The following GNAS variants were observed in gnomAD, a reference collection of about 807,000 sequenced individuals.
GNAS encodes the protein protein ALEX.
In GNAS, 8 loss-of-function variants were observed where a neutral mutation model predicts 54.5. The ratio of observed to expected loss-of-function variants is 0.15; its 90% CI spans 0.09 to 0.26. The LOEUF (loss-of-function observed/expected upper bound fraction) is 0.26. Among genes scored for constraint, GNAS ranks in the 10% least tolerant of loss-of-function variants. The pLI, the probability that GNAS is intolerant of heterozygous loss-of-function variation, is 1.00. For synonymous variants in GNAS, 204 were observed against 191.4 expected (o/e 1.07, Z -0.54); for missense variants, 170 against 529.8 (o/e 0.32, Z 6.67).
chr20:58,903,900 A>T, intron 5 of GNAS, 109 bp downstream of exon 5: 1 of 1,119,224 alleles, frequency 8.9e-7, no homozygotes. Context: ...TCCAAACCAC[A>T]CTTCAGGCAA....
At chr20:58,905,259 C>A in intron 5 of GNAS, 124 bp from the exon 6 acceptor site, 2 of 709,758 alleles carry the variant, frequency 2.8e-6, no homozygotes, top group Non-Finnish European at 5.2e-6. Context: ...TAATTGGGCT[C>A]AAAATTCAAA....
At chr20:58,859,905 T>A (rs2086694358) in intron 1 of GNAS, among the ~76,000 whole-genome samples, 4 of 152,248 alleles carry the variant, frequency 2.6e-5, no homozygotes. Flanking sequence ...ATTACAGGCA[T>A]GAGCCATCGC....
At chr20:58,840,667 C>T (rs769628289), upstream of GNAS, 7 of 1,605,198 alleles carry the variant, frequency 4.4e-6, no homozygotes, top group South Asian at 7.7e-5. This position sits in a 1 kb window ranked among gnomAD's most constrained non-coding sequence, Gnocchi z 6.0. Context: ...AGCCCCAGAG[C>T]CCCAGGGAAG....
At chr20:58,881,752 G>C (rs2088237004) in intron 1 of GNAS, 1 of 152,174 alleles carries the variant, frequency 6.6e-6, no homozygotes. Flanking sequence ...TATGTGAAGG[G>C]CTAGTTTTCC....
chr20:58,857,139 G>A lies in GNAS; in HGVS notation c.43+16253G>A, dbSNP rs746713748. 1 of 152,112 alleles carries A rather than the reference G, an allele frequency of 6.6e-6. No homozygotes were observed. Among genetic ancestry groups the A allele is most frequent in the African/African-American group, 2.4e-5 (1 of 41,416 alleles). 9.4% of individuals were successfully genotyped at this position (152,112 alleles called of 1,614,324 possible). On this transcript the variant is annotated intron_variant, in intron 1 of 12. Coordinates refer to the GNAS transcript ENST00000306090. This position sits in a 1 kb window ranked among gnomAD's most constrained non-coding sequence, Gnocchi z 4.1. ...TCAAGATCACAGTTTTTAAGGCTGC[G>A]CTACATTTGTTAAATATGTTAGAAT...
intron 1 of GNAS, among the ~76,000 whole-genome samples, chr20:58,859,841 G>T (rs2086690714): frequency 6.6e-6 from 1 of 151,734 alleles, no homozygotes; most frequent in African/African-American, 2.4e-5. Context: ...GGTCAGGCTG[G>T]TCTCAAACTC....
In GNAS at chr20:58,904,056, CAAAT is replaced by C. The variant is rs2090874146; in HGVS notation, c.432+269_432+272del. On this transcript the variant is annotated intron_variant, in intron 5 of 12. Transcript: ENST00000371085. ...CTACATCTTAGCTCACCTGTCCTCA[CAAAT>C]AAACATCACTCTTGAATACTACAAT... Among the ~76,000 whole-genome samples the C allele has an allele frequency of 5.3e-5, 8 of 152,194 alleles. No individual in the cohort carries two copies. The South Asian group carries it at 1.4e-3, about 28-fold the overall frequency.
intron 3 of GNAS, chr20:58,899,354 T>C: frequency 2.0e-6 from 1 of 510,956 alleles, no homozygotes; most frequent in Non-Finnish European, 3.7e-6. Flanking sequence ...AAATTCCATC[T>C]ACCCACTGGT....
chr20:58,893,947 AT>A (rs2089783207), intron 1 of GNAS, among the ~76,000 whole-genome samples: 1 of 152,246 alleles, frequency 6.6e-6, no homozygotes. Flanking sequence ...CCTAGTCTAT[AT>A]GACTACATTA....
chr20:58,905,257 C>G (rs369691044), intron 5 of GNAS, 126 bp from the exon 6 acceptor site: 1 of 705,732 alleles, frequency 1.4e-6, no homozygotes, highest in African/African-American at 1.7e-5. Flanking sequence ...ATTAATTGGG[C>G]TCAAAATTCA....
intron 1 of GNAS, chr20:58,884,415 G>A (rs6128452): frequency 6.6e-6 from 1 of 152,192 alleles, no homozygotes; most frequent in Middle Eastern, 3.4e-3. Context: ...TTTTATCTAA[G>A]GAAATTTTAT....
intron 1 of GNAS, chr20:58,842,090 T>C (rs1304126734): frequency 7.4e-6 from 3 of 404,010 alleles, no homozygotes; most frequent in African/African-American, 6.2e-5. Context: ...TCCGGCCATT[T>C]TCAGCACGGG....
At chr20:58,879,363 T>C (rs1480803139) in intron 1 of GNAS, among the ~76,000 whole-genome samples, 1 of 152,222 alleles carries the variant, frequency 6.6e-6, no homozygotes, top group African/African-American at 2.4e-5. Flanking sequence ...TCTAAAAAAC[T>C]CACATTTTTC....
chr20:58,886,914 A>T (rs2088628627), upstream of GNAS, among the ~76,000 whole-genome samples: 1 of 152,260 alleles, frequency 6.6e-6, no homozygotes, highest in Admixed American at 6.5e-5. Context: ...GGTGAAACCT[A>T]CACTTAAAAA....
intron 5 of GNAS, among the ~76,000 whole-genome samples, chr20:58,904,879 C>T (rs1033404082): frequency 2.6e-5 from 4 of 152,074 alleles, no homozygotes; most frequent in Non-Finnish European, 5.9e-5. Context: ...AGAACAATAA[C>T]TTTTTATTAG....
In GNAS at chr20:58,884,365, C is replaced by A. The variant is rs559265769; in HGVS notation, c.44-11247C>A. The A allele has an allele frequency of 2.6e-5, 4 of 152,242 alleles. No homozygotes were observed. In the East Asian group the frequency reaches 5.8e-4, roughly 22 times the overall value. The allele number at this position is 152,242 out of a possible 1,614,324, so 9.4% of individuals were successfully genotyped here. On this transcript the variant is annotated intron_variant, in intron 1 of 12. Coordinates refer to the GNAS transcript ENST00000306090. ...GAAGAAGTGAATACCATGAAAAAAA[C>A]CCTAAAATCTTTAAAATAAGAACAA...
chr20:58,859,191 C>T (rs918409566), intron 1 of GNAS, among the ~76,000 whole-genome samples: 1 of 152,168 alleles, frequency 6.6e-6, no homozygotes, highest in African/African-American at 2.4e-5. Context: ...ATAACACATT[C>T]TGATTACATT....
rs1454743439 is a variant in GNAS at position 58,863,414 on chromosome 20, T to G, written c.43+22528T>G. On this transcript the variant is annotated intron_variant, in intron 1 of 12. Coordinates refer to the GNAS transcript ENST00000306090. This position sits in a 1 kb window ranked among gnomAD's most constrained non-coding sequence, Gnocchi z 4.1. ...ACTGCACATTGGATCTTACTAAATG[T>G]TTTTTAATGATTCAATTTGGGGCGA... 6.6e-6 allele frequency: 1 copy of G among 152,170 alleles called. No homozygotes were observed. The highest frequency in any genetic ancestry group is 1.5e-5 in the Non-Finnish European group (1 of 68,024). 9.4% of individuals were successfully genotyped at this position (152,170 alleles called of 1,614,324 possible). A position where few individuals can be genotyped will look rare whatever the true frequency, so the allele number is the denominator to read the frequency against.
chr20:58,898,576 C>T (rs991991355), intron 2 of GNAS: 12 of 315,652 alleles, frequency 3.8e-5, no homozygotes, highest in Admixed American at 1.7e-4. Context: ...GAGCCTTATG[C>T]GCTGCCATAT....
Sources: allele counts gnomAD v4.1 joint callset (sites outside exome capture counted in the v4.1 genomes callset), GRCh38; gene constraint gnomAD v4.1.1; non-coding constraint Gnocchi (gnomAD v3.1); transcripts MANE v1.5; gene names NCBI Gene and HGNC (gene_info 2026-07-23, HGNC 2026-07-21).